LRRTM4: variants seen among roughly 807,000 people sequenced by gnomAD.
LRRTM4 encodes the protein leucine-rich repeat transmembrane neuronal protein 4.
LRRTM4 carries 25 observed loss-of-function variants against 47.6 expected under a neutral mutation model. That is an observed-to-expected ratio of 0.53 (90% CI 0.38 to 0.73). The LOEUF (loss-of-function observed/expected upper bound fraction) is 0.73. Among genes scored for constraint, LRRTM4 ranks in the 30% least tolerant of loss-of-function variants. The probability of loss-of-function intolerance (pLI) is 0.00; values close to 1 mark genes in which losing one functional copy is unlikely to be tolerated. For synonymous variants in LRRTM4, 311 were observed against 269.5 expected, an observed-to-expected ratio of 1.15 and a Z score of -1.51; for missense variants, 638 against 713.4, an observed-to-expected ratio of 0.89 and a Z score of 1.20.
At chr2:77,439,112 T>C (rs1030590995) in intron 3 of LRRTM4, among the ~76,000 whole-genome samples, 2 of 152,152 alleles carry the variant, frequency 1.3e-5, no homozygotes, top group Non-Finnish European at 2.9e-5. Context: ...AACCATCAGA[T>C]TCAGTCTGAA....
chr2:76,922,478 C>A (rs138391558), intron 3 of LRRTM4, among the ~76,000 whole-genome samples: 1 of 152,078 alleles, frequency 6.6e-6, no homozygotes, highest in African/African-American at 2.4e-5. Flanking sequence ...ATCATCCCCC[C>A]ACCAGACCCT....
chr2:76,772,048 C>T (rs1307961348), intron 3 of LRRTM4, among the ~76,000 whole-genome samples: 2 of 152,160 alleles, frequency 1.3e-5, no homozygotes, highest in Non-Finnish European at 2.9e-5. Flanking sequence ...AATGTTGTAT[C>T]TCCCTAAATT....
intron 3 of LRRTM4, among the ~76,000 whole-genome samples, chr2:77,007,277 G>A (rs938087484): frequency 6.6e-6 from 1 of 152,070 alleles, no homozygotes; most frequent in Non-Finnish European, 1.5e-5. Flanking sequence ...AGGATTGTGA[G>A]TAAAAAGAGG....
At chr2:77,160,049 G>A (rs1469360170) in intron 3 of LRRTM4, among the ~76,000 whole-genome samples, 2 of 152,120 alleles carry the variant, frequency 1.3e-5, no homozygotes, top group African/African-American at 4.8e-5. Context: ...CTGGTGTGGT[G>A]TCTATTCACT....
chr2:77,221,662 T>G (rs377685094), intron 3 of LRRTM4, among the ~76,000 whole-genome samples: 240 of 152,134 alleles, frequency 1.6e-3, no homozygotes, highest in African/African-American at 5.2e-3. Flanking sequence ...CTAACTATCC[T>G]AAATATATAT....
At chr2:77,289,279 T>G (rs1268117098) in intron 3 of LRRTM4, among the ~76,000 whole-genome samples, 4 of 151,942 alleles carry the variant, frequency 2.6e-5, no homozygotes, top group Non-Finnish European at 5.9e-5. Context: ...AGAATAGAGG[T>G]TTTTTATTTT....
At chr2:77,453,946 G>C (rs767826509) in intron 3 of LRRTM4, among the ~76,000 whole-genome samples, 1 of 151,786 alleles carries the variant, frequency 6.6e-6, no homozygotes, top group African/African-American at 2.4e-5. Context: ...TTTCTTTTCT[G>C]GTTTACCTAG....
chr2:77,459,612 A>G (rs1051450562), intron 3 of LRRTM4, among the ~76,000 whole-genome samples: 1 of 151,888 alleles, frequency 6.6e-6, no homozygotes, highest in African/African-American at 2.4e-5. Flanking sequence ...ACACTTATAT[A>G]AACAGTTTAT....
intron 3 of LRRTM4, among the ~76,000 whole-genome samples, chr2:77,111,635 G>A (rs1406192260): frequency 6.6e-6 from 1 of 152,130 alleles, no homozygotes; most frequent in Non-Finnish European, 1.5e-5. Context: ...TGTGTCCAGG[G>A]TCTCCATGGT....
chr2:76,885,764 C>CA (rs1226991165), intron 3 of LRRTM4, among the ~76,000 whole-genome samples: 1 of 151,968 alleles, frequency 6.6e-6, no homozygotes, highest in Non-Finnish European at 1.5e-5. Context: ...CGCGCCCGGC[C>CA]AAAAACATAC....
At chr2:76,808,895 T>G (rs1184484694) in intron 3 of LRRTM4, among the ~76,000 whole-genome samples, 1 of 152,212 alleles carries the variant, frequency 6.6e-6, no homozygotes, top group Non-Finnish European at 1.5e-5. Flanking sequence ...CCTCCATTTC[T>G]TTTCCATTTT....
chr2:77,360,548 TCATACATACATACATACATA>T (rs34364581), intron 3 of LRRTM4, among the ~76,000 whole-genome samples: 4 of 138,562 alleles, frequency 2.9e-5, no homozygotes, highest in Admixed American at 1.4e-4. Context: ...ATACAATCAT[TCATACATACATACATACATA>T]CATACATACA....
chr2:77,347,953 G>A (rs1001137648), intron 3 of LRRTM4, among the ~76,000 whole-genome samples: 5 of 151,260 alleles, frequency 3.3e-5, no homozygotes, highest in African/African-American at 1.2e-4. Context: ...ATAATTGGGT[G>A]CTCAATAAAT....
intron 3 of LRRTM4, among the ~76,000 whole-genome samples, chr2:77,474,021 T>C (rs752965978): frequency 8.5e-5 from 13 of 152,170 alleles, no homozygotes; most frequent in Non-Finnish European, 1.9e-4. Context: ...TTTAATATAG[T>C]CCCATATTGG....
At chr2:76,759,199 A>G (rs1673165690) in intron 3 of LRRTM4, among the ~76,000 whole-genome samples, 1 of 152,134 alleles carries the variant, frequency 6.6e-6, no homozygotes, top group Non-Finnish European at 1.5e-5. Flanking sequence ...GACAAACCTA[A>G]TTCCACTTCC....
At chr2:77,034,029 TAATTA>T (rs1437491205) in intron 3 of LRRTM4, among the ~76,000 whole-genome samples, 4 of 151,736 alleles carry the variant, frequency 2.6e-5, no homozygotes, top group Admixed American at 1.3e-4. Context: ...TTATTATTGA[TAATTA>T]AATACTGGAA....
chr2:77,103,847 C>T (rs766970279), intron 3 of LRRTM4, among the ~76,000 whole-genome samples: 3 of 151,810 alleles, frequency 2.0e-5, no homozygotes, highest in Non-Finnish European at 4.4e-5. Context: ...ACTCAATTAA[C>T]TCAAGGCATT....
At chr2:77,390,261 A>G (rs1673448600) in intron 3 of LRRTM4, among the ~76,000 whole-genome samples, 1 of 152,074 alleles carries the variant, frequency 6.6e-6, no homozygotes, top group Non-Finnish European at 1.5e-5. Context: ...ACATTTAAAC[A>G]CTATGGAGAG....
intron 3 of LRRTM4, among the ~76,000 whole-genome samples, chr2:77,222,391 C>CCCTTCAA (rs1674662726): frequency 6.6e-6 from 1 of 152,064 alleles, no homozygotes; most frequent in Non-Finnish European, 1.5e-5. Flanking sequence ...ACACAAAAAA[C>CCCTTCAA]CCTTCAAAAA....
Sources: allele counts gnomAD v4.1 joint callset (sites outside exome capture counted in the v4.1 genomes callset), GRCh38; gene constraint gnomAD v4.1.1; transcripts MANE v1.5; gene names NCBI Gene and HGNC (gene_info 2026-07-23, HGNC 2026-07-21).